The following NOC3L variants were observed in gnomAD, a reference collection of about 807,000 sequenced individuals.
The protein encoded by NOC3L is nucleolar complex protein 3 homolog.
In NOC3L, 85 loss-of-function variants were observed where a neutral mutation model predicts 102.5. The ratio of observed to expected loss-of-function variants is 0.83; its 90% CI spans 0.70 to 0.99. NOC3L has a LOEUF of 0.99. NOC3L is among the 50% of genes least tolerant of loss of function. The pLI, the probability that NOC3L is intolerant of heterozygous loss-of-function variation, is 0.00. For missense variants in NOC3L, 878 were observed against 914.9 expected (o/e 0.96, Z 0.52); for synonymous variants, 303 against 309.4 (o/e 0.98, Z 0.22).
chr10:94,329,719 A>G (rs1179265312), downstream of NOC3L: 1 of 135,144 alleles, frequency 7.4e-6, no homozygotes, highest in Non-Finnish European at 1.5e-5. Flanking sequence ...TGGAGGCTGC[A>G]GTGAGCCAAG....
intron 17 of NOC3L, among the ~76,000 whole-genome samples, chr10:94,339,277 A>G (rs1388364157): frequency 6.6e-6 from 1 of 152,216 alleles, no homozygotes; most frequent in Non-Finnish European, 1.5e-5. Context: ...AATTTTTGTA[A>G]GGCATTTATA....
At chr10:94,344,654 A>G in intron 12 of NOC3L, 139 bp from the exon 13 acceptor site, 1 of 693,854 alleles carries the variant, frequency 1.4e-6, no homozygotes, top group Non-Finnish European at 2.4e-6. Context: ...ATTTTTAACA[A>G]AACAGAATGA....
At chr10:94,330,635 T>C (rs1055518283), downstream of NOC3L, 6 of 148,484 alleles carry the variant, frequency 4.0e-5, no homozygotes, top group Admixed American at 2.7e-4. Flanking sequence ...GAGGTTGCAG[T>C]GAGTGGAGAC....
chr10:94,324,469 T>C, the NOC3L span: 2 of 1,614,030 alleles, frequency 1.2e-6, no homozygotes, highest in East Asian at 4.5e-5. Flanking sequence ...ACCAAAGTCC[T>C]CTCAGCGGGT....
downstream of NOC3L, chr10:94,329,173 C>T (rs2054127639): frequency 6.6e-6 from 1 of 152,166 alleles, no homozygotes. Context: ...AACTGAAGAG[C>T]TATTGATCCA....
At chr10:94,331,750 C>G (rs1203796710), downstream of NOC3L, 1 of 152,152 alleles carries the variant, frequency 6.6e-6, no homozygotes, top group Non-Finnish European at 1.5e-5. Context: ...TCTCTGCCAT[C>G]CTTATGTAGC....
chr10:94,362,853 T>C lies in NOC3L; in HGVS notation c.-15A>G. ...ACCGCCTTCATCCTTAGGCCTTAAA[T>C]GAATGCCGGCCAGACAAGTTCACCA... On this transcript the variant is annotated 5_prime_UTR_variant, in exon 1 of 21. Transcript: ENST00000371361. 6.2e-7 allele frequency: 1 copy of C among 1,614,010 alleles called. No individual in the cohort carries two copies. Among genetic ancestry groups the C allele is most frequent in the African/African-American group, 1.3e-5 (1 of 75,058 alleles).
At chr10:94,324,864 A>G in the NOC3L span, 1 of 1,609,090 alleles carries the variant, frequency 6.2e-7, no homozygotes. Context: ...TTAACCTAAC[A>G]CCAATGGAAG....
intron 6 of NOC3L, among the ~76,000 whole-genome samples, chr10:94,354,299 T>C (rs2054457007): frequency 6.6e-6 from 1 of 152,238 alleles, no homozygotes. Context: ...AATAGTATCA[T>C]TTTATATGAC....
At chr10:94,349,794 T>C (rs1042429131) in intron 9 of NOC3L, among the ~76,000 whole-genome samples, 9 of 152,320 alleles carry the variant, frequency 5.9e-5, no homozygotes, top group African/African-American at 2.2e-4. Flanking sequence ...AGTCTCGCTC[T>C]ATTGCCCAGG....
chr10:94,355,843 G>C (rs974220236), intron 5 of NOC3L, among the ~76,000 whole-genome samples: 6 of 151,794 alleles, frequency 4.0e-5, no homozygotes, highest in Admixed American at 2.6e-4. Flanking sequence ...ATACTTCATA[G>C]TTTTGGGCTA....
chr10:94,334,789 TCA>T, intron 19 of NOC3L, 71 bp from the exon 20 acceptor site: 1 of 1,070,706 alleles, frequency 9.3e-7, no homozygotes, highest in Non-Finnish European at 1.4e-6. Context: ...TAGATTATAC[TCA>T]GAGAATGATT....
At position 94,341,742 on chromosome 10, in the gene NOC3L, A is replaced by G. The variant is rs1010045984; in HGVS notation, c.1575T>C (p.Phe525=). 5.8e-6 allele frequency: 9 copies of G among 1,548,450 alleles called. No individual in the cohort carries two copies. The highest frequency in any genetic ancestry group is 7.9e-6 in the Non-Finnish European group (9 of 1,144,850). ...LPAVLEGLAK[F]AHLINVEFFD... Reference sequence around the variant, plus strand: ...AAAATTCCACATTTATAAGGTGAGCAAACCTGGAATCAAACAAAACAGTTA... The same window carrying G: ...AAAATTCCACATTTATAAGGTGAGCGAACCTGGAATCAAACAAAACAGTTA... The change falls in exon 14 of 21, where the codon TTT becomes TTC. Residue 525 remains phenylalanine (F), a synonymous_variant. Transcript: ENST00000371361.
the NOC3L span, chr10:94,325,024 G>C: frequency 6.2e-7 from 1 of 1,613,616 alleles, no homozygotes; most frequent in South Asian, 1.1e-5. Flanking sequence ...CCAAACCAAG[G>C]AGGAGAAACC....
the NOC3L span, among the ~76,000 whole-genome samples, chr10:94,319,341 A>AATT: frequency 3.9e-5 from 6 of 152,232 alleles, no homozygotes; most frequent in African/African-American, 1.4e-4. Flanking sequence ...TGAATTCAGT[A>AATT]ATTACTGAAT....
At chr10:94,326,876 C>T in the NOC3L span, among the ~76,000 whole-genome samples, 1 of 152,136 alleles carries the variant, frequency 6.6e-6, no homozygotes, top group Non-Finnish European at 1.5e-5. Context: ...GCTGGGGAGG[C>T]CTGGCCAGGC....
intron 3 of NOC3L, chr10:94,357,787 T>C (rs2054505704): frequency 1.4e-5 from 5 of 346,998 alleles, no homozygotes; most frequent in Non-Finnish European, 2.6e-5. Context: ...GAGGATTAAG[T>C]GAAATCATAG....
rs1186983499 is a variant in NOC3L at position 94,337,764 on chromosome 10, T to G, written c.2189+13A>C. On this transcript the variant is annotated intron_variant, in intron 19 of 20. Transcript: ENST00000371361. Reference sequence around the variant, plus strand: ...ATTCTGTAGTTTTAGAATAAGGCAATGCTAAATATTACCTTCGACTCAACT... The same window carrying G: ...ATTCTGTAGTTTTAGAATAAGGCAAGGCTAAATATTACCTTCGACTCAACT... 1.7e-5 allele frequency: 26 copies of G among 1,570,936 alleles called. No individual in the cohort carries two copies. Among genetic ancestry groups the G allele is most frequent in the Non-Finnish European group, 2.3e-5 (26 of 1,141,596 alleles).
At chr10:94,349,915 C>T (rs957177479) in intron 9 of NOC3L, among the ~76,000 whole-genome samples, 198 bp downstream of exon 9, 3 of 151,920 alleles carry the variant, frequency 2.0e-5, no homozygotes, top group Admixed American at 6.6e-5. Context: ...CCTGCCACCA[C>T]GCCCTGCTAA....
Sources: gnomAD v4.1 joint callset for allele counts (sites outside exome capture counted in the v4.1 genomes callset) on GRCh38, gnomAD v4.1.1 for gene constraint, MANE v1.5 for transcripts, NCBI Gene and HGNC (gene_info 2026-07-23, HGNC 2026-07-21) for gene names.